ULBP1: variants seen among roughly 807,000 people sequenced by gnomAD.
The protein encoded by ULBP1 is UL16-binding protein 1.
A neutral mutation model predicts 25.3 loss-of-function variants in ULBP1; 28 were observed. That is an observed-to-expected ratio of 1.10 (90% CI 0.82 to 1.51). ULBP1 has a LOEUF of 1.51. ULBP1 is among the 40% of genes most tolerant of loss of function. The pLI, the probability that ULBP1 is intolerant of heterozygous loss-of-function variation, is 0.00. For synonymous variants in ULBP1, 129 were observed against 103.0 expected (o/e 1.25, Z -1.53); for missense variants, 348 against 290.9 (o/e 1.20, Z -1.43).
Position 149,964,106 on chromosome 6 carries a change from G to A in ULBP1, c.57G>A (p.Leu19=), listed in dbSNP as rs1457114742. 6.2e-7 allele frequency: 1 copy of A among 1,614,228 alleles called. No individual in the cohort carries two copies. The highest frequency in any genetic ancestry group is 8.5e-7 in the Non-Finnish European group (1 of 1,180,034). ...TGTGCCTCCCGCTTCTGCACCTGCTGTCTGGCTGGTCCCGGGCAGGATGGG... is the reference window on the plus strand; with the variant it reads ...TGTGCCTCCCGCTTCTGCACCTGCTATCTGGCTGGTCCCGGGCAGGATGGG... ...FLLCLPLLHL[L]SGWSRAGWVD... Residue 19 remains leucine (L), a synonymous_variant, in exon 1 of 5, where the codon CTG becomes CTA. Transcript: ENST00000229708.
At chr6:149,967,966 C>T (rs1779233338) in intron 1 of ULBP1, among the ~76,000 whole-genome samples, 1 of 152,154 alleles carries the variant, frequency 6.6e-6, no homozygotes, top group South Asian at 2.1e-4. Flanking sequence ...TTTCATATTG[C>T]AACCACTCTG....
chr6:149,968,356 A>C (rs561843051), intron 1 of ULBP1, among the ~76,000 whole-genome samples: 7 of 152,310 alleles, frequency 4.6e-5, no homozygotes, highest in Admixed American at 4.6e-4. Context: ...TGATGTCGGC[A>C]CAGAGCAGGT....
In ULBP1 at chr6:149,970,072, A is replaced by C. The variant is rs749242801; in HGVS notation, c.682A>C (p.Ser228Arg). 8 of 1,612,060 alleles carry C rather than the reference A, an allele frequency of 5.0e-6. No individual in the cohort carries two copies. In the African/African-American group the frequency reaches 9.5e-5, roughly 19 times the overall value. The change falls in exon 4 of 5, where the codon AGT (serine) becomes CGT (arginine). Residue 228 changes from serine (S) to arginine (R), a missense_variant. Coordinates refer to ENST00000229708, the MANE Select transcript of ULBP1 (RefSeq NM_025218.4). ...ACCCAAGGCCATGGCCACCACCCTCAGTCCCTGGAGCCTTCTCATCATCTT... is the reference window on the plus strand; with the variant it reads ...ACCCAAGGCCATGGCCACCACCCTCCGTCCCTGGAGCCTTCTCATCATCTT... ...TQPKAMATTL[S>R]PWSLLIIFLC...
Position 149,968,567 on chromosome 6 carries a change from TC to T in ULBP1, c.86-34del, listed in dbSNP as rs1779244552. On this transcript the variant is annotated intron_variant, in intron 1 of 4. Coordinates refer to ENST00000229708, the MANE Select transcript of ULBP1 (RefSeq NM_025218.4). The stretch of plus-strand genomic sequence containing the variant: ...GGGAGGAGGGGATACAGGTTCCATT[TC>T]CCCCCACACCAACCCCCTCCTGTGT... 2.5e-6 allele frequency: 4 copies of T among 1,577,076 alleles called. No homozygotes were observed. In the East Asian group the frequency reaches 6.8e-5, roughly 27 times the overall value.
At position 149,969,284 on chromosome 6, in the gene ULBP1, G is replaced by T; in HGVS notation, c.549G>T (p.Gln183His). The change falls in exon 3 of 5, where the codon CAG becomes CAT. Residue 183 changes from glutamine (Q) to histidine (H), a missense_variant. Transcript: ENST00000229708. ...ACAGGGATGTGACCATGTTCTTCCA[G>T]AAGATTTCACTGGGGGATTGTAAGA... is the stretch of plus-strand genomic sequence containing the variant. The part of the protein sequence containing the change: ...EKNRDVTMFF[Q>H]KISLGDCKMW... 1 of 1,614,254 alleles carries T rather than the reference G, an allele frequency of 6.2e-7. No homozygotes were observed. Among genetic ancestry groups the T allele is most frequent in the Non-Finnish European group, 8.5e-7 (1 of 1,180,046 alleles).
chr6:149,964,663 A>T (rs1220016973), intron 1 of ULBP1, among the ~76,000 whole-genome samples: 2 of 142,854 alleles, frequency 1.4e-5, no homozygotes, highest in African/African-American at 2.7e-5. Flanking sequence ...GGCTGAAGGC[A>T]CTCAGTTCCC....
rs375684913 is a variant in ULBP1, at chr6:149,968,700, C to T, written c.179C>T (p.Pro60Leu). The stretch of plus-strand genomic sequence containing the variant: ...GTTCAAGGCCTGGTGGATGAAAGGC[C>T]TTTTCTTCACTATGACTGTGTTAAC... ...CEVQGLVDERPFLHYDCVNHK... is the reference protein window; with the variant it reads ...CEVQGLVDERLFLHYDCVNHK... The change falls in exon 2 of 5, where the codon CCT (proline) becomes CTT (leucine). Residue 60 changes from proline (P) to leucine (L), a missense_variant. Coordinates refer to ENST00000229708, the MANE Select transcript of ULBP1 (RefSeq NM_025218.4). The T allele has an allele frequency of 6.2e-7, 1 of 1,614,220 alleles. No individual in the cohort carries two copies.
Position 149,971,615 on chromosome 6 carries a change from A to T in ULBP1, c.*269A>T, listed in dbSNP as rs1037555490. On this transcript the variant is annotated 3_prime_UTR_variant, in exon 5 of 5. Transcript: ENST00000229708. ...CTTCTGCCACTTTCTGTCGGTGCTAATGGATGGAACTCCTGCACAAGTTTT... is the reference window on the plus strand; with the variant it reads ...CTTCTGCCACTTTCTGTCGGTGCTATTGGATGGAACTCCTGCACAAGTTTT... 6 of 155,072 alleles carry T rather than the reference A, an allele frequency of 3.9e-5. No homozygotes were observed. The highest frequency in any genetic ancestry group is 8.5e-5 in the Non-Finnish European group (6 of 70,712). 9.6% of individuals were successfully genotyped at this position (155,072 alleles called of 1,614,324 possible).
At position 149,970,115 on chromosome 6, in the gene ULBP1, C is replaced by G; in HGVS notation, c.725C>G (p.Ala242Gly). 1.2e-6 allele frequency: 2 copies of G among 1,608,664 alleles called. No individual in the cohort carries two copies. Among genetic ancestry groups the G allele is most frequent in the South Asian group, 1.1e-5 (1 of 89,688 alleles). ...ATCATCTTCCTCTGCTTCATTCTAG[C>G]TGGCAGATGAGGAGAGTTGTTTAGA... ...LLIIFLCFILAGR is the reference protein window; with the variant it reads ...LLIIFLCFILGGR Residue 242 changes from alanine to glycine, a missense_variant, in exon 4 of 5, where the codon GCT becomes GGT. Physicochemically the swap from Ala to Gly is moderately conservative, Grantham distance 60. Coordinates refer to ENST00000229708, the MANE Select transcript of ULBP1 (RefSeq NM_025218.4).
rs1415765115 is a variant in ULBP1, at chr6:149,972,585, G to A, written c.*1239G>A. On this transcript the variant is annotated 3_prime_UTR_variant, in exon 5 of 5. Transcript: ENST00000229708. Reference sequence around the variant, plus strand: ...GTAAACAGACAGCCTGTAGAATGGGGAAAACTATTTGCAAACTCTGCATCT... The same window carrying A: ...GTAAACAGACAGCCTGTAGAATGGGAAAAACTATTTGCAAACTCTGCATCT... 1.3e-5 allele frequency: 2 copies of A among 152,122 alleles called. No homozygotes were observed. The allele number at this position is 152,122 out of a possible 1,614,324, so 9.4% of individuals were successfully genotyped here.
rs1779331656 is a variant in ULBP1 at position 149,972,282 on chromosome 6, G to A, written c.*936G>A. 6.6e-6 allele frequency: 1 copy of A among 152,148 alleles called. No homozygotes were observed. Among genetic ancestry groups the A allele is most frequent in the African/African-American group, 2.4e-5 (1 of 41,420 alleles). The allele number at this position is 152,148 out of a possible 1,614,324, so 9.4% of individuals were successfully genotyped here. A position where few individuals can be genotyped will look rare whatever the true frequency, so the allele number is the denominator to read the frequency against. On this transcript the variant is annotated 3_prime_UTR_variant, in exon 5 of 5. Coordinates refer to ENST00000229708, the MANE Select transcript of ULBP1 (RefSeq NM_025218.4). ...AAAGACTCCCTATTCGAAAATTAGTGCTGGAATATCTGGCCAACCATATGC... is the reference window on the plus strand; with the variant it reads ...AAAGACTCCCTATTCGAAAATTAGTACTGGAATATCTGGCCAACCATATGC...
Position 149,969,187 on chromosome 6 carries a change from T to C in ULBP1, c.452T>C (p.Phe151Ser). The C allele has an allele frequency of 6.2e-7, 1 of 1,614,218 alleles. No homozygotes were observed. The highest frequency in any genetic ancestry group is 1.1e-5 in the South Asian group (1 of 91,084). Reference sequence around the variant, plus strand: ...TTCAATGGACAGAAGTTCCTCCTCTTTGACTCAAACAACAGAAAGTGGACA... The same window carrying C: ...TTCAATGGACAGAAGTTCCTCCTCTCTGACTCAAACAACAGAAAGTGGACA... ...FLFNGQKFLL[F>S]DSNNRKWTAL... Residue 151 changes from phenylalanine (F) to serine (S), a missense_variant, in exon 3 of 5, where the codon TTT becomes TCT. Physicochemically the swap from Phe to Ser is radical, Grantham distance 155 (BLOSUM62 -2). Transcript: ENST00000229708.
At chr6:149,969,926 C>T in intron 3 of ULBP1, 90 bp from the exon 4 acceptor site, 1 of 1,497,230 alleles carries the variant, frequency 6.7e-7, no homozygotes, top group South Asian at 1.3e-5. Context: ...GTCTGCCTTC[C>T]AGGATGACCT....
At chr6:149,970,229 A>ACCCATCCCCATGGCTG in intron 4 of ULBP1, 82 bp downstream of exon 4, 1 of 1,491,514 alleles carries the variant, frequency 6.7e-7, no homozygotes, top group Non-Finnish European at 9.0e-7. Flanking sequence ...CCAGAGTCCC[A>ACCCATCCCCATGGCTG]GAGGCCGGGA....
Position 149,973,461 on chromosome 6 carries a change from T to C in ULBP1, c.*2115T>C, listed in dbSNP as rs562751396. 6.6e-6 allele frequency: 1 copy of C among 152,156 alleles called. No homozygotes were observed. Among genetic ancestry groups the C allele is most frequent in the African/African-American group, 2.4e-5 (1 of 41,434 alleles). 9.4% of individuals were successfully genotyped at this position (152,156 alleles called of 1,614,324 possible). A position where few individuals can be genotyped will look rare whatever the true frequency, so the allele number is the denominator to read the frequency against. ...AAACCTGTATATGTACCTTGTATTA[T>C]ATAGGTTGAAATTAAAGATGAATAA... On this transcript the variant is annotated 3_prime_UTR_variant, in exon 5 of 5. Transcript: ENST00000229708.
rs1345407191 is a variant in ULBP1 at position 149,970,042 on chromosome 6, A to G, written c.652A>G (p.Thr218Ala). 8 of 1,613,062 alleles carry G rather than the reference A, an allele frequency of 5.0e-6. No individual in the cohort carries two copies. The East Asian group carries it at 8.9e-5, about 18-fold the overall frequency. ...TKPPSLAPGT[T>A]QPKAMATTLS... is the part of the protein sequence containing the mutation. ...ACCACCCTCTCTGGCCCCAGGCACA[A>G]CCCAACCCAAGGCCATGGCCACCAC... is the stretch of plus-strand genomic sequence containing the variant. The change falls in exon 4 of 5, where the codon ACC becomes GCC. Residue 218 changes from threonine to alanine, a missense_variant. By Grantham distance (58) the Thr-to-Ala change is moderately conservative. Transcript: ENST00000229708.
At position 149,968,598 on chromosome 6, in the gene ULBP1, C is replaced by A; in HGVS notation, c.86-9C>A. 6.3e-7 allele frequency: 1 copy of A among 1,596,188 alleles called. No individual in the cohort carries two copies. ...CACACCAACCCCCTCCTGTGTTTTT[C>A]TTCCACAGACACACACTGTCTTTGC... On this transcript the variant is annotated splice_polypyrimidine_tract_variant and intron_variant, in intron 1 of 4. Transcript: ENST00000229708.
Position 149,968,834 on chromosome 6 carries a change from C to T in ULBP1, c.313C>T (p.Leu105=). The change falls in exon 2 of 5, where the codon CTG becomes TTG. Residue 105 remains leucine, a synonymous_variant. Coordinates refer to ENST00000229708, the MANE Select transcript of ULBP1 (RefSeq NM_025218.4). ...CGTGGTGGATTTCCTTAAAGGGCAACTGCTTGACATTCAAGTGGAGAATTT... is the reference window on the plus strand; with the variant it reads ...CGTGGTGGATTTCCTTAAAGGGCAATTGCTTGACATTCAAGTGGAGAATTT... The part of the protein sequence containing the change: ...RDVVDFLKGQ[L]LDIQVENLIP... 6.2e-7 allele frequency: 1 copy of T among 1,614,190 alleles called. No homozygotes were observed. The highest frequency in any genetic ancestry group is 8.5e-7 in the Non-Finnish European group (1 of 1,180,028).
intron 1 of ULBP1, among the ~76,000 whole-genome samples, chr6:149,966,918 A>G (rs1302133159): frequency 6.6e-6 from 1 of 152,184 alleles, no homozygotes; most frequent in African/African-American, 2.4e-5. Context: ...TTCCAACCAC[A>G]TATGCCTCTG....
Sources: gnomAD v4.1 joint callset for allele counts (sites outside exome capture counted in the v4.1 genomes callset) on GRCh38, gnomAD v4.1.1 for gene constraint, MANE v1.5 for transcripts, NCBI Gene and HGNC (gene_info 2026-07-23, HGNC 2026-07-21) for gene names.